The following NHSL2 variants were observed in gnomAD, a reference collection of about 807,000 sequenced individuals.
The protein encoded by NHSL2 is NHS-like protein 2.
NHSL2 carries 27 observed loss-of-function variants against 53.4 expected under a neutral mutation model. The ratio of observed to expected loss-of-function variants is 0.51; its 90% CI spans 0.37 to 0.70. The LOEUF (loss-of-function observed/expected upper bound fraction) is 0.70, where lower values mean the gene tolerates loss of function less well. NHSL2 is among the 30% of genes least tolerant of loss of function. The pLI is 0.00. For missense variants in NHSL2, 892 were observed against 980.1 expected (o/e 0.91, Z 1.20); for synonymous variants, 408 against 404.1 (o/e 1.01, Z -0.12).
In NHSL2 at chrX:72,137,186, A is replaced by G. The variant is rs762600612; in HGVS notation, c.853A>G (p.Thr285Ala). Residue 285 changes from threonine to alanine, a missense_variant, in exon 5 of 8, where the codon ACC (threonine) becomes GCC (alanine). Thr to Ala is a moderately conservative substitution (Grantham distance 58). Transcript: ENST00000633930. ...CAAGTCCACCCTGAGGCGGAGGCGGACCATTATTGGATTCTCTAACTTTTC... is the reference window on the plus strand; with the variant it reads ...CAAGTCCACCCTGAGGCGGAGGCGGGCCATTATTGGATTCTCTAACTTTTC... ...NPKSTLRRRR[T>A]IIGFSNFSQR... 3 of 1,166,587 alleles carry G rather than the reference A, an allele frequency of 2.6e-6. No homozygotes were observed. The South Asian group carries it at 5.7e-5, about 22-fold the overall frequency.
chrX:72,046,195 C>T (rs2042304726), intron 1 of NHSL2, among the ~76,000 whole-genome samples: 1 of 112,046 alleles, frequency 8.9e-6, no homozygotes. Flanking sequence ...GCTCCTAGGC[C>T]GGCCCACAAC....
At chrX:71,917,403 C>A (rs2041634063) in intron 1 of NHSL2, among the ~76,000 whole-genome samples, 1 of 109,813 alleles carries the variant, frequency 9.1e-6, no homozygotes, top group South Asian at 4.0e-4. Flanking sequence ...GTGTCTCCAG[C>A]TCCCAAAACA....
chrX:72,067,097 C>T lies in NHSL2; in HGVS notation c.281-64982C>T, dbSNP rs193297752. Among the ~76,000 whole-genome samples the T allele has an allele frequency of 1.3e-4, 14 of 111,849 alleles. No individual in the cohort carries two copies. In the Admixed American group the frequency reaches 1.3e-3, roughly 11 times the overall value. On this transcript the variant is annotated intron_variant, in intron 1 of 7. Transcript: ENST00000633930. ...GGTTGAGGCTTCAGTGAGCCATGAT[C>T]ATGCCACTGCACTCCAGCCTGGGTG... is the stretch of plus-strand genomic sequence containing the variant.
At chrX:72,099,302 A>G (rs936416984) in intron 1 of NHSL2, among the ~76,000 whole-genome samples, 59 of 111,156 alleles carry the variant, frequency 5.3e-4, no homozygotes, top group African/African-American at 1.9e-3. Context: ...TTTGTTTTGA[A>G]CTATTTTATT....
intron 1 of NHSL2, among the ~76,000 whole-genome samples, chrX:72,020,575 A>G (rs2084743558): frequency 8.9e-6 from 1 of 112,417 alleles, no homozygotes; most frequent in African/African-American, 3.2e-5. Context: ...GCTTTGGTCC[A>G]GACCAGAGAC....
intron 1 of NHSL2, among the ~76,000 whole-genome samples, chrX:72,123,448 G>A (rs187248936): frequency 4.9e-4 from 54 of 111,200 alleles, no homozygotes; most frequent in African/African-American, 1.6e-3. Context: ...CCCACCCCCA[G>A]GCATGTTGAA....
At chrX:72,072,046 C>T (rs1310218468) in intron 1 of NHSL2, among the ~76,000 whole-genome samples, 1 of 112,175 alleles carries the variant, frequency 8.9e-6, no homozygotes, top group African/African-American at 3.2e-5. Context: ...TGTCCCTGTG[C>T]TCCCTTGCTA....
Position 72,144,647 on chromosome X carries a change from T to A in NHSL2, c.*1073T>A. 1.5e-6 allele frequency: 1 copy of A among 684,557 alleles called. No homozygotes were observed. The highest frequency in any genetic ancestry group is 2.1e-6 in the Non-Finnish European group (1 of 473,561). 56.4% of individuals were successfully genotyped at this position (684,557 alleles called of 1,213,427 possible). ...TTCCAAAAACCAAGAACATATAAAC[T>A]AAAAGGATCTATCCAAAATCTAAAA... On this transcript the variant is annotated 3_prime_UTR_variant, in exon 8 of 8. Coordinates refer to ENST00000633930, the MANE Select transcript of NHSL2 (RefSeq NM_001013627.3).
intron 1 of NHSL2, among the ~76,000 whole-genome samples, chrX:72,102,423 T>C (rs943841430): frequency 8.9e-6 from 1 of 111,903 alleles, no homozygotes; most frequent in East Asian, 2.8e-4. Context: ...AACCCTGCTA[T>C]TTCCTGTATA....
intron 1 of NHSL2, among the ~76,000 whole-genome samples, chrX:71,993,974 C>A (rs2042038802): frequency 8.9e-6 from 1 of 111,820 alleles, no homozygotes; most frequent in African/African-American, 3.3e-5. Flanking sequence ...AGTTGTACAT[C>A]ACTGAGAATT....
intron 1 of NHSL2, among the ~76,000 whole-genome samples, chrX:72,083,776 A>G (rs1348726179): frequency 2.7e-5 from 3 of 112,125 alleles, no homozygotes; most frequent in African/African-American, 9.7e-5. Context: ...AAACTTGTGA[A>G]ACTGGTACCC....
In NHSL2 at chrX:71,942,972, C is replaced by CTCTGTG. The variant is rs1220648470; in HGVS notation, c.280+31606_280+31607insCTGTGT. On this transcript the variant is annotated intron_variant, in intron 1 of 7. Transcript: ENST00000633930. Reference sequence around the variant, plus strand: ...GCTCTCTCTCTCTCTCTCTCTCTCTCTGTGTGTGTGTGTGTGTGTGTGTGT... The same window carrying CTCTGTG: ...GCTCTCTCTCTCTCTCTCTCTCTCTCTCTGTGTGTGTGTGTGTGTGTGTGTGTGTGT... Among the ~76,000 whole-genome samples the CTCTGTG allele has an allele frequency of 6.4e-3, 474 of 74,018 alleles. 4 individuals are homozygous for CTCTGTG. The highest frequency in any genetic ancestry group is 0.024 in the African/African-American group (446 of 18,209). The allele number at this position is 74,018 out of a possible 115,157, so 64.3% of individuals were successfully genotyped here. A position where few individuals can be genotyped will look rare whatever the true frequency, so the allele number is the denominator to read the frequency against.
chrX:71,934,230 G>A (rs2147824373), intron 1 of NHSL2, among the ~76,000 whole-genome samples: 1 of 111,907 alleles, frequency 8.9e-6, no homozygotes, highest in South Asian at 3.7e-4. Context: ...GCTTCCCAGG[G>A]TTTACATAAC....
chrX:71,939,766 T>C lies in NHSL2; in HGVS notation c.280+28399T>C, dbSNP rs61618052. ...TAATGATTAAGTGAAATAATATATA[T>C]AAAATGCTTTGAACTGTATCTGGAG... On this transcript the variant is annotated intron_variant, in intron 1 of 7. Coordinates refer to ENST00000633930, the MANE Select transcript of NHSL2 (RefSeq NM_001013627.3). Among the ~76,000 whole-genome samples, 8 of 111,959 alleles carry C rather than the reference T, an allele frequency of 7.1e-5. No homozygotes were observed. In the East Asian group the frequency reaches 2.2e-3, roughly 31 times the overall value.
At chrX:71,964,890 A>G (rs192153547) in intron 1 of NHSL2, among the ~76,000 whole-genome samples, 471 of 111,382 alleles carry the variant, frequency 4.2e-3, no homozygotes, top group Middle Eastern at 0.023. Flanking sequence ...TTTTTCATGG[A>G]TTGTGCCTTT....
intron 1 of NHSL2, among the ~76,000 whole-genome samples, chrX:72,087,048 G>T (rs748544101): frequency 1.6e-4 from 18 of 111,748 alleles, no homozygotes; most frequent in Admixed American, 2.8e-4. Flanking sequence ...ATCCCAGCCT[G>T]GGGGGTCTGA....
intron 1 of NHSL2, among the ~76,000 whole-genome samples, chrX:72,020,352 T>C (rs1329538234): frequency 8.9e-6 from 1 of 112,620 alleles, no homozygotes; most frequent in African/African-American, 3.2e-5. Flanking sequence ...TCTCCATTAG[T>C]TTGTCTCTGA....
At chrX:71,975,430 A>C (rs1386678052) in intron 1 of NHSL2, among the ~76,000 whole-genome samples, 1 of 110,347 alleles carries the variant, frequency 9.1e-6, no homozygotes, top group Non-Finnish European at 1.9e-5. Context: ...CACACCCCAC[A>C]CTTGTCTCTC....
chrX:72,134,776 G>A (rs923014588), intron 4 of NHSL2, 72 bp downstream of exon 4: 17 of 762,796 alleles, frequency 2.2e-5, no homozygotes, highest in Non-Finnish European at 3.2e-5. Flanking sequence ...TGATGCACTG[G>A]GTATTGGGGG....
Sources: allele counts gnomAD v4.1 joint callset (sites outside exome capture counted in the v4.1 genomes callset), GRCh38; gene constraint gnomAD v4.1.1; transcripts MANE v1.5; gene names NCBI Gene and HGNC (gene_info 2026-07-23, HGNC 2026-07-21).